Variants in SEMA4D observed in about 807,000 individuals in gnomAD.
The protein encoded by SEMA4D is semaphorin-4D.
In SEMA4D, 22 loss-of-function variants were observed where a neutral mutation model predicts 74.8. The ratio of observed to expected loss-of-function variants is 0.29; its 90% CI spans 0.21 to 0.42. SEMA4D has a LOEUF of 0.42. Among genes scored for constraint, SEMA4D ranks in the 10% least tolerant of loss-of-function variants. The pLI is 1.00. For missense variants in SEMA4D, 937 were observed against 1,118.4 expected (o/e 0.84, Z 2.31); for synonymous variants, 445 against 463.7 (o/e 0.96, Z 0.52).
chr9:89,485,213 G>T lies in SEMA4D; in HGVS notation c.-310+12706C>A, dbSNP rs191559552. On this transcript the variant is annotated intron_variant, in intron 1 of 15. Coordinates refer to ENST00000422704, the MANE Select transcript of SEMA4D (RefSeq NM_001371194.2). ...TTGTAAGTCCTTGCCATGCATGTTG[G>T]TTCACAAACTGTTCTTAACACATGA... Among the ~76,000 whole-genome samples, 894 of 152,198 alleles carry T rather than the reference G, an allele frequency of 5.9e-3. 6 individuals carry two copies. The highest frequency in any genetic ancestry group is 0.02 in the African/African-American group (849 of 41,502).
chr9:89,448,827 G>A lies in SEMA4D; in HGVS notation c.-244+7061C>T, dbSNP rs557768734. ...GAGGGGCTTTTCCCAGGACTCCAGC[G>A]TGTGTCCTGCAGCTGCATAGATAGC... On this transcript the variant is annotated intron_variant, in intron 2 of 15. Transcript: ENST00000422704. 1.6e-4 allele frequency among the ~76,000 whole-genome samples: 24 copies of A among 152,306 alleles called. No homozygotes were observed. In the East Asian group the frequency reaches 3.5e-3, roughly 22 times the overall value.
chr9:89,421,391 T>G (rs1246658167), intron 2 of SEMA4D, among the ~76,000 whole-genome samples: 1 of 152,188 alleles, frequency 6.6e-6, no homozygotes, highest in Non-Finnish European at 1.5e-5. Flanking sequence ...GGCTACAAAG[T>G]ACACAGACAG....
chr9:89,453,686 C>T (rs1392521976), intron 2 of SEMA4D, among the ~76,000 whole-genome samples: 1 of 152,182 alleles, frequency 6.6e-6, no homozygotes, highest in Non-Finnish European at 1.5e-5. Context: ...CGTGCTGTCT[C>T]CAGGACTCAG....
intron 4 of SEMA4D, among the ~76,000 whole-genome samples, chr9:89,401,833 C>T (rs141092143): frequency 9.2e-5 from 14 of 152,240 alleles, no homozygotes; most frequent in East Asian, 7.7e-4. Context: ...CCCTTTTATA[C>T]GATTTCCAGC....
intron 13 of SEMA4D, among the ~76,000 whole-genome samples, chr9:89,383,227 T>G (rs982159310): frequency 6.6e-6 from 1 of 152,116 alleles, no homozygotes; most frequent in African/African-American, 2.4e-5. Context: ...TGAATGACTG[T>G]GGGGGTTTCC....
exon 19 of SEMA4D, chr9:89,360,800 A>ACTC (rs1832702491): frequency 6.6e-6 from 1 of 152,152 alleles, no homozygotes; most frequent in South Asian, 2.1e-4. Flanking sequence ...ACAATGTACA[A>ACTC]CTCTATTTTT....
chr9:89,403,890 C>T (rs1842706073), intron 3 of SEMA4D, among the ~76,000 whole-genome samples: 1 of 152,220 alleles, frequency 6.6e-6, no homozygotes, highest in Non-Finnish European at 1.5e-5. Flanking sequence ...GATTGTCCCA[C>T]TGCACTCTAG....
intron 15 of SEMA4D, 39 bp from the exon 16 acceptor site, chr9:89,379,668 C>T: frequency 6.4e-7 from 1 of 1,562,738 alleles, no homozygotes; most frequent in Non-Finnish European, 8.7e-7. Flanking sequence ...GTCAACAATC[C>T]CCATTTGCTA....
intron 2 of SEMA4D, among the ~76,000 whole-genome samples, chr9:89,425,530 T>C (rs552739144): frequency 1.3e-5 from 2 of 152,316 alleles, no homozygotes; most frequent in African/African-American, 4.8e-5. Context: ...CCCATGTTCA[T>C]AGCTCCCTGG....
At chr9:89,385,049 T>A (rs1564559432) in intron 13 of SEMA4D, 1 of 985,150 alleles carries the variant, frequency 1.0e-6, no homozygotes, top group Non-Finnish European at 1.2e-6. Context: ...CCAAACCCAC[T>A]GGCTCCTCCT....
intron 1 of SEMA4D, among the ~76,000 whole-genome samples, chr9:89,467,531 ATT>A (rs35017295): frequency 1.1e-4 from 14 of 128,374 alleles, no homozygotes; most frequent in Admixed American, 2.4e-4. Flanking sequence ...GGAGCGCATG[ATT>A]TTTTTTTTTT....
chr9:89,384,461 C>A (rs144654461), intron 13 of SEMA4D, among the ~76,000 whole-genome samples: 2 of 152,114 alleles, frequency 1.3e-5, no homozygotes, highest in African/African-American at 4.8e-5. Context: ...AGCAGAATGG[C>A]GGCTGCCCAG....
chr9:89,393,671 AAG>A lies in SEMA4D; in HGVS notation c.415-18_415-17del. ...ATGTTAAGTTCTACAATTGAATAAA[AAG>A]AGAGCACATCATCAGATGGCTGAAT... is the stretch of plus-strand genomic sequence containing the variant. On this transcript the variant is annotated splice_polypyrimidine_tract_variant and intron_variant, in intron 6 of 15. Coordinates refer to ENST00000422704, the MANE Select transcript of SEMA4D (RefSeq NM_001371194.2). 6.4e-7 allele frequency: 1 copy of A among 1,570,214 alleles called. No individual in the cohort carries two copies. The highest frequency in any genetic ancestry group is 8.8e-7 in the Non-Finnish European group (1 of 1,139,922).
chr9:89,375,949 A>C (rs543637579), downstream of SEMA4D, among the ~76,000 whole-genome samples: 78 of 152,168 alleles, frequency 5.1e-4, no homozygotes, highest in African/African-American at 1.8e-3. Flanking sequence ...CTGTAACCTC[A>C]AACTCCTGGG....
intron 1 of SEMA4D, among the ~76,000 whole-genome samples, chr9:89,478,520 T>C (rs1862330067): frequency 6.6e-6 from 1 of 152,186 alleles, no homozygotes; most frequent in African/African-American, 2.4e-5. Context: ...CCACCCAGTG[T>C]GTGGTACTTT....
In SEMA4D at chr9:89,403,114, A is replaced by G. The variant is rs1165889422; in HGVS notation, c.107-98T>C. ...ATCCTAGGTCCCTGTCTCAGTGACA[A>G]TGAGCACGTCTGGGTGCAGTCATGT... On this transcript the variant is annotated intron_variant, in intron 3 of 15. Transcript: ENST00000422704. 2.2e-6 allele frequency: 3 copies of G among 1,382,022 alleles called. No homozygotes were observed. In the East Asian group the frequency reaches 7.0e-5, roughly 32 times the overall value. 85.6% of individuals were successfully genotyped at this position (1,382,022 alleles called of 1,614,324 possible).
intron 1 of SEMA4D, among the ~76,000 whole-genome samples, chr9:89,460,076 C>T (rs1035501699): frequency 1.3e-5 from 2 of 152,232 alleles, no homozygotes; most frequent in Non-Finnish European, 2.9e-5. Context: ...AACCCACCAA[C>T]GCCTGCTCTG....
At chr9:89,446,322 G>A (rs1241675470) in intron 2 of SEMA4D, among the ~76,000 whole-genome samples, 3 of 152,154 alleles carry the variant, frequency 2.0e-5, no homozygotes, top group African/African-American at 7.2e-5. Context: ...CTTAGTCCCA[G>A]CTGCAGACTC....
At chr9:89,390,913 G>C (rs1237731034) in intron 9 of SEMA4D, among the ~76,000 whole-genome samples, 1 of 152,138 alleles carries the variant, frequency 6.6e-6, no homozygotes, top group African/African-American at 2.4e-5. Flanking sequence ...TTAAGCTGTC[G>C]GTTAATGTTT....
Sources: gnomAD v4.1 joint callset for allele counts (sites outside exome capture counted in the v4.1 genomes callset) on GRCh38, gnomAD v4.1.1 for gene constraint, MANE v1.5 for transcripts, NCBI Gene and HGNC (gene_info 2026-07-23, HGNC 2026-07-21) for gene names.